The following RFX3 variants were observed in gnomAD, a reference collection of about 807,000 sequenced individuals.
RFX3 encodes the protein transcription factor RFX3.
A neutral mutation model predicts 98.6 loss-of-function variants in RFX3; 14 were observed. That is an observed-to-expected ratio of 0.14 (90% CI 0.09 to 0.22). RFX3 has a LOEUF of 0.22. Among genes scored for constraint, RFX3 ranks in the 10% least tolerant of loss-of-function variants. The pLI is 1.00. For missense variants in RFX3, 639 were observed against 926.9 expected (o/e 0.69, Z 4.03); for synonymous variants, 383 against 328.4 (o/e 1.17, Z -1.80).
chr9:3,232,934 G>T (rs16916092), intron 15 of RFX3, among the ~76,000 whole-genome samples: 12,373 of 152,224 alleles, frequency 0.081, 521 homozygotes, highest in Middle Eastern at 0.11. Context: ...TCTGGAGTTA[G>T]AAAGTATATG....
chr9:3,309,494 A>G (rs757799580), intron 4 of RFX3, among the ~76,000 whole-genome samples: 1 of 151,920 alleles, frequency 6.6e-6, no homozygotes, highest in Non-Finnish European at 1.5e-5. Flanking sequence ...AGCCACCCTG[A>G]GGCTTGTGCC....
At chr9:3,365,944 C>A (rs918016067) in intron 2 of RFX3, among the ~76,000 whole-genome samples, 7 of 151,828 alleles carry the variant, frequency 4.6e-5, no homozygotes, top group Non-Finnish European at 1.0e-4. Flanking sequence ...TAAGTTAACT[C>A]TCTAACTTAG....
intron 1 of RFX3, among the ~76,000 whole-genome samples, chr9:3,470,864 C>T (rs553489554): frequency 5.3e-5 from 8 of 152,262 alleles, no homozygotes; most frequent in Non-Finnish European, 5.9e-5. Context: ...CTTCACAGGG[C>T]TCTTCTAGCA....
intron 1 of RFX3, among the ~76,000 whole-genome samples, chr9:3,524,993 G>C (rs948938800): frequency 6.6e-6 from 1 of 151,954 alleles, no homozygotes. Context: ...GTGTGTGGGG[G>C]GGGGGAGAAA....
intron 15 of RFX3, chr9:3,247,384 GA>G (rs59660111): frequency 3.9e-5 from 37 of 938,616 alleles, no homozygotes; most frequent in Non-Finnish European, 4.2e-5. Flanking sequence ...GACTGTGTTT[GA>G]AAAAAAAATC....
intron 1 of RFX3, among the ~76,000 whole-genome samples, chr9:3,480,754 C>G (rs1849683144): frequency 6.6e-6 from 1 of 152,146 alleles, no homozygotes; most frequent in Non-Finnish European, 1.5e-5. Flanking sequence ...ATTAATCTCT[C>G]TAAGCTTCAG....
chr9:3,489,524 A>C (rs1178755247), intron 1 of RFX3: 1 of 469,208 alleles, frequency 2.1e-6, no homozygotes, highest in East Asian at 1.5e-4. Context: ...TTAACCAATT[A>C]CTCTACCAAA....
intron 5 of RFX3, among the ~76,000 whole-genome samples, chr9:3,297,511 G>T (rs1454723667): frequency 1.3e-5 from 2 of 151,926 alleles, no homozygotes; most frequent in African/African-American, 4.8e-5. Flanking sequence ...CAAATAAAAA[G>T]AAATAAATAT....
intron 3 of RFX3, among the ~76,000 whole-genome samples, chr9:3,339,070 C>T (rs771725430): frequency 2.0e-5 from 3 of 151,990 alleles, no homozygotes; most frequent in South Asian, 4.2e-4. Context: ...GCCTGGGCGA[C>T]AGAGCAAGAC....
At position 3,372,246 on chromosome 9, in the gene RFX3, G is replaced by A. The variant is rs546537886; in HGVS notation, c.117+23226C>T. Among the ~76,000 whole-genome samples, 3 of 152,248 alleles carry A rather than the reference G, an allele frequency of 2.0e-5. No individual in the cohort carries two copies. The South Asian group carries it at 6.2e-4, about 32-fold the overall frequency. On this transcript the variant is annotated intron_variant, in intron 2 of 16. Coordinates refer to ENST00000617270, the MANE Select transcript of RFX3 (RefSeq NM_001282116.2). ...AGAAATACGTGTATAAACACCAGAG[G>A]CTTCCTCATCCCTCAAGTGGGATAA...
chr9:3,368,240 TA>T (rs200226655), intron 2 of RFX3, among the ~76,000 whole-genome samples: 1,583 of 152,192 alleles, frequency 0.01, 37 homozygotes, highest in African/African-American at 0.036. Context: ...TTATATAATT[TA>T]AAAAAAGATA....
chr9:3,234,755 A>T (rs1818913697), intron 15 of RFX3, among the ~76,000 whole-genome samples: 1 of 152,198 alleles, frequency 6.6e-6, no homozygotes, highest in African/African-American at 2.4e-5. Context: ...CTGTTTGCTG[A>T]CACCTGACTA....
intron 2 of RFX3, among the ~76,000 whole-genome samples, chr9:3,355,627 G>C (rs964452137): frequency 1.3e-5 from 2 of 151,724 alleles, no homozygotes; most frequent in African/African-American, 4.8e-5. Flanking sequence ...TTTTTCCATA[G>C]TTGATACGCA....
intron 1 of RFX3, among the ~76,000 whole-genome samples, chr9:3,463,381 C>T (rs923106221): frequency 6.6e-6 from 1 of 151,840 alleles, no homozygotes; most frequent in Non-Finnish European, 1.5e-5. Context: ...GTATCATAAG[C>T]CTAAAAATGA....
chr9:3,461,849 G>A (rs1847715836), intron 1 of RFX3, among the ~76,000 whole-genome samples: 1 of 151,752 alleles, frequency 6.6e-6, no homozygotes, highest in Admixed American at 6.6e-5. Flanking sequence ...ACCTAAATAA[G>A]CTATTTTATT....
intron 2 of RFX3, among the ~76,000 whole-genome samples, chr9:3,394,153 T>A (rs564474882): frequency 1.2e-4 from 18 of 152,170 alleles, no homozygotes; most frequent in South Asian, 1.0e-3. Context: ...AAGATTTTTT[T>A]AAAAATGTTT....
At chr9:3,453,876 T>A (rs1462545151) in intron 1 of RFX3, among the ~76,000 whole-genome samples, 1 of 152,092 alleles carries the variant, frequency 6.6e-6, no homozygotes, top group Non-Finnish European at 1.5e-5. Flanking sequence ...ATATTTTAAA[T>A]ATATTTTTAA....
At chr9:3,398,430 C>T (rs1841122068) in intron 1 of RFX3, among the ~76,000 whole-genome samples, 1 of 151,982 alleles carries the variant, frequency 6.6e-6, no homozygotes, top group African/African-American at 2.4e-5. Flanking sequence ...AGCAGAGGAA[C>T]TATTAGTAAG....
intron 1 of RFX3, among the ~76,000 whole-genome samples, chr9:3,504,869 ATTAT>A (rs1816656089): frequency 2.6e-5 from 2 of 77,070 alleles, no homozygotes; most frequent in East Asian, 5.7e-4. Flanking sequence ...TATAATATAT[ATTAT>A]ATATATTATA....
Sources: allele counts gnomAD v4.1 joint callset (sites outside exome capture counted in the v4.1 genomes callset), GRCh38; gene constraint gnomAD v4.1.1; transcripts MANE v1.5; gene names NCBI Gene and HGNC (gene_info 2026-07-23, HGNC 2026-07-21).